The following ATP11A variants were observed in gnomAD, a reference collection of about 807,000 sequenced individuals.
The protein encoded by ATP11A is ATPase phospholipid transporting 11A, also known as phospholipid-transporting ATPase IH.
ATP11A carries 81 observed loss-of-function variants against 154.4 expected under a neutral mutation model. The ratio of observed to expected loss-of-function variants is 0.52; its 90% confidence interval spans 0.44 to 0.63. The LOEUF (loss-of-function observed/expected upper bound fraction) is 0.63. Ranked by LOEUF, ATP11A falls within the 30% of genes least tolerant of loss-of-function variation. The pLI is 0.00. For missense variants in ATP11A, 1,316 were observed against 1,474.3 expected (o/e 0.89, Z 1.76); for synonymous variants, 623 against 585.9 (o/e 1.06, Z -0.91).
At position 112,875,802 on chromosome 13, in the gene ATP11A, A is replaced by G; in HGVS notation, c.3188A>G (p.Tyr1063Cys). 2 of 1,613,942 alleles carry G rather than the reference A, an allele frequency of 1.2e-6. No homozygotes were observed. Among genetic ancestry groups the G allele is most frequent in the South Asian group, 1.1e-5 (1 of 91,082 alleles). The change falls in exon 28 of 30, where the codon TAC becomes TGC. Residue 1063 changes from tyrosine (Y) to cysteine (C), a missense_variant. Tyr to Cys is a radical substitution (Grantham distance 194). This residue lies in a region of ATP11A where 294 missense variants were observed against 290.2 expected (regional missense o/e 1.01). Transcript: ENST00000375645. This position sits in a 1 kb window ranked among gnomAD's most constrained non-coding sequence, Gnocchi z 4.1. ...IWPFLNYQRMYYVFIQMLSSG... is the reference protein window; with the variant it reads ...IWPFLNYQRMCYVFIQMLSSG... ...CCGTTCCTCAACTACCAGAGGATGT[A>G]CTACGTGTTCATCCAGATGCTGTCC...
Position 112,803,987 on chromosome 13 carries a change from A to G in ATP11A, c.163-970A>G, listed in dbSNP as rs117788302. 1.9e-3 allele frequency among the ~76,000 whole-genome samples: 50 copies of G among 26,204 alleles called. 5 individuals are homozygous for G. The highest frequency in any genetic ancestry group is 9.3e-3 in the African/African-American group (45 of 4,862). 17.2% of individuals were successfully genotyped at this position (26,204 alleles called of 152,430 possible). A position where few individuals can be genotyped will look rare whatever the true frequency, so the allele number is the denominator to read the frequency against. On this transcript the variant is annotated intron_variant, in intron 2 of 29. Transcript: ENST00000375645. Reference sequence around the variant, plus strand: ...TTCCCTTCCTTCCCTCATTCCCCTCATTCCCCTCCTTCCCTCCTTCACCTC... The same window carrying G: ...TTCCCTTCCTTCCCTCATTCCCCTCGTTCCCCTCCTTCCCTCCTTCACCTC...
chr13:112,854,576 G>T, intron 19 of ATP11A, 46 bp downstream of exon 19: 1 of 1,574,492 alleles, frequency 6.4e-7, no homozygotes, highest in Non-Finnish European at 8.6e-7. Context: ...CCGCAAAAGG[G>T]GCTTCAGACC....
chr13:112,745,851 TG>T (rs1892066796), intron 1 of ATP11A: 1 of 152,234 alleles, frequency 6.6e-6, no homozygotes, highest in Non-Finnish European at 1.5e-5. Context: ...ACCTCCACAT[TG>T]TCGTGCAGCG....
intron 1 of ATP11A, among the ~76,000 whole-genome samples, chr13:112,762,917 C>T (rs916299640): frequency 2.6e-5 from 4 of 152,226 alleles, no homozygotes; most frequent in African/African-American, 4.8e-5. Context: ...GTGAGGCAGA[C>T]GGTGGCAGTG....
intron 22 of ATP11A, 196 bp downstream of exon 22, chr13:112,858,486 C>T (rs2080001061): frequency 3.6e-6 from 2 of 554,718 alleles, no homozygotes; most frequent in Non-Finnish European, 6.0e-6. Flanking sequence ...GTTTCCATTA[C>T]CTACAGTCAA....
intron 28 of ATP11A, 47 bp from the exon 29 acceptor site, chr13:112,878,170 C>T (rs2140441179): frequency 6.4e-7 from 1 of 1,560,920 alleles, no homozygotes; most frequent in East Asian, 2.2e-5. Flanking sequence ...ATCCTCACAC[C>T]TTGTTCACAC....
Position 112,876,578 on chromosome 13 carries a change from G to A in ATP11A, c.3327+637G>A, listed in dbSNP as rs116842698. 5.0e-4 allele frequency among the ~76,000 whole-genome samples: 76 copies of A among 152,320 alleles called. 1 individual carries two copies. The East Asian group carries it at 0.014, about 27-fold the overall frequency. On this transcript the variant is annotated intron_variant, in intron 28 of 29. Transcript: ENST00000375645. Reference sequence around the variant, plus strand: ...GAAGCCTGCCTGTCCTCAGAGGGCCGCTGCACCTGTCACGGTCCCTCAGGA... The same window carrying A: ...GAAGCCTGCCTGTCCTCAGAGGGCCACTGCACCTGTCACGGTCCCTCAGGA...
intron 1 of ATP11A, among the ~76,000 whole-genome samples, chr13:112,736,180 C>G (rs1185266826): frequency 6.6e-6 from 1 of 152,226 alleles, no homozygotes; most frequent in Non-Finnish European, 1.5e-5. Flanking sequence ...TCCAACCACA[C>G]TGTTTGAACT....
intron 2 of ATP11A, among the ~76,000 whole-genome samples, chr13:112,799,068 G>C (rs970789745): frequency 6.6e-6 from 1 of 152,166 alleles, no homozygotes; most frequent in Non-Finnish European, 1.5e-5. Context: ...GATAAAGAGG[G>C]GCATTGCCAA....
chr13:112,825,344 C>T (rs530735993), intron 10 of ATP11A, 86 bp from the exon 11 acceptor site: 27 of 1,430,876 alleles, frequency 1.9e-5, no homozygotes, highest in African/African-American at 1.3e-4. Flanking sequence ...TGTTTCTTCA[C>T]GAGGTGTCAT....
At chr13:112,737,174 T>C (rs1249388106) in intron 1 of ATP11A, among the ~76,000 whole-genome samples, 1 of 152,146 alleles carries the variant, frequency 6.6e-6, no homozygotes, top group Non-Finnish European at 1.5e-5. Context: ...ATAAGATTCA[T>C]TGATGTGAGG....
At chr13:112,825,925 G>T (rs1305497400) in intron 11 of ATP11A, among the ~76,000 whole-genome samples, 1 of 152,218 alleles carries the variant, frequency 6.6e-6, no homozygotes, top group East Asian at 1.9e-4. Context: ...GGAAAAAAGG[G>T]TCTGCTCCCA....
chr13:112,814,316 G>A (rs980804492), intron 5 of ATP11A, among the ~76,000 whole-genome samples: 1 of 151,812 alleles, frequency 6.6e-6, no homozygotes, highest in African/African-American at 2.4e-5. Context: ...GCCTGCCTCG[G>A]CCTCCCAAAG....
chr13:112,730,670 G>A (rs1890395292), intron 1 of ATP11A, among the ~76,000 whole-genome samples: 1 of 152,190 alleles, frequency 6.6e-6, no homozygotes, highest in Admixed American at 6.5e-5. Flanking sequence ...ACACTGCTGG[G>A]TCCATCACAT....
intron 1 of ATP11A, among the ~76,000 whole-genome samples, chr13:112,694,714 G>A (rs1190371581): frequency 1.3e-5 from 2 of 152,120 alleles, no homozygotes; most frequent in African/African-American, 4.8e-5. Context: ...TCTTTTGCCT[G>A]TCAGAGCTTC....
chr13:112,708,361 G>A (rs1293917434), intron 1 of ATP11A, among the ~76,000 whole-genome samples: 2 of 152,062 alleles, frequency 1.3e-5, no homozygotes, highest in Admixed American at 6.6e-5. Context: ...TTCACGGTCC[G>A]AAACCGTAAT....
chr13:112,730,803 G>C (rs138548463), intron 1 of ATP11A, among the ~76,000 whole-genome samples: 1 of 152,212 alleles, frequency 6.6e-6, no homozygotes, highest in African/African-American at 2.4e-5. Flanking sequence ...GAATCAAGTC[G>C]TGCTGCAGAG....
intron 1 of ATP11A, among the ~76,000 whole-genome samples, chr13:112,773,680 A>G (rs2077278972): frequency 6.6e-6 from 1 of 151,908 alleles, no homozygotes; most frequent in African/African-American, 2.4e-5. Flanking sequence ...CTTCCTCAAC[A>G]CTGTTGATAG....
intron 1 of ATP11A, among the ~76,000 whole-genome samples, chr13:112,719,221 C>T (rs1029540146): frequency 6.6e-6 from 1 of 152,138 alleles, no homozygotes; most frequent in Non-Finnish European, 1.5e-5. Flanking sequence ...CCTCAGGATG[C>T]CCTGTGACGC....
Sources: gnomAD v4.1 joint callset for allele counts (sites outside exome capture counted in the v4.1 genomes callset) on GRCh38, gnomAD v4.1.1 for gene constraint, gnomAD v4.1.1 regional missense constraint, Gnocchi (gnomAD v3.1) non-coding constraint, MANE v1.5 for transcripts, NCBI Gene and HGNC (gene_info 2026-07-23, HGNC 2026-07-21) for gene names.